RNF130: variants seen among roughly 807,000 people sequenced by gnomAD.
The protein encoded by RNF130 is ring finger protein 130, also known as E3 ubiquitin-protein ligase RNF130.
RNF130 carries 21 observed loss-of-function variants against 44.6 expected under a neutral mutation model. That is an observed-to-expected ratio of 0.47 (90% CI 0.33 to 0.68). The LOEUF (loss-of-function observed/expected upper bound fraction) is 0.68, where lower values mean the gene tolerates loss of function less well. Among genes scored for constraint, RNF130 ranks in the 30% least tolerant of loss-of-function variants. The pLI, the probability that RNF130 is intolerant of heterozygous loss-of-function variation, is 0.02. For missense variants in RNF130, 479 were observed against 560.6 expected (o/e 0.85, Z 1.47); for synonymous variants, 214 against 210.4 (o/e 1.02, Z -0.15).
exon 8 of RNF130, chr5:179,915,043 A>T (rs559090114): frequency 6.7e-6 from 1 of 149,782 alleles, no homozygotes; most frequent in East Asian, 2.0e-4. Context: ...AAATAAAATT[A>T]AAAAACAGGC....
intron 1 of RNF130, among the ~76,000 whole-genome samples, chr5:180,055,265 A>C (rs1209976538): frequency 1.4e-4 from 4 of 28,080 alleles, no homozygotes; most frequent in Non-Finnish European, 2.9e-4. Flanking sequence ...AAAAAAAAAA[A>C]AAAAAAAAAA....
At chr5:179,925,826 C>A (rs1582123021) in intron 7 of RNF130, among the ~76,000 whole-genome samples, 1 of 152,330 alleles carries the variant, frequency 6.6e-6, no homozygotes, top group South Asian at 2.1e-4. Flanking sequence ...AGTCACCACA[C>A]CTGGCTGGGT....
chr5:179,925,221 A>G (rs1250125458), intron 7 of RNF130, among the ~76,000 whole-genome samples: 2 of 152,196 alleles, frequency 1.3e-5, no homozygotes, highest in Admixed American at 6.5e-5. Flanking sequence ...TGGGACTTTC[A>G]GCCTCACCCC....
intron 3 of RNF130, among the ~76,000 whole-genome samples, chr5:179,998,851 A>C (rs1463355538): frequency 2.0e-5 from 2 of 100,576 alleles, no homozygotes; most frequent in African/African-American, 3.9e-5. Context: ...CTTTAGATCT[A>C]GTATTTTTTA....
chr5:179,968,118 A>G (rs1762491711), intron 6 of RNF130, among the ~76,000 whole-genome samples: 1 of 151,522 alleles, frequency 6.6e-6, no homozygotes, highest in East Asian at 2.0e-4. Flanking sequence ...ACACGGTGAA[A>G]CCCCGTCTCT....
chr5:180,020,292 G>A (rs1429040485), intron 2 of RNF130, among the ~76,000 whole-genome samples: 2 of 152,186 alleles, frequency 1.3e-5, no homozygotes, highest in Non-Finnish European at 2.9e-5. Context: ...GATGAACGGG[G>A]AGCAGTGACA....
intron 3 of RNF130, among the ~76,000 whole-genome samples, chr5:179,983,551 G>C (rs925092630): frequency 6.6e-6 from 1 of 152,142 alleles, no homozygotes; most frequent in Non-Finnish European, 1.5e-5. Flanking sequence ...CTTTGTAATA[G>C]ATCTGAAATT....
intron 6 of RNF130, among the ~76,000 whole-genome samples, chr5:179,970,087 C>T (rs186430167): frequency 1.3e-5 from 2 of 151,860 alleles, no homozygotes; most frequent in East Asian, 1.9e-4. Flanking sequence ...CCCAGGAGTT[C>T]GAGGTTACAG....
At chr5:179,967,108 A>T in intron 6 of RNF130, 98 bp from the exon 7 acceptor site, 3 of 1,080,804 alleles carry the variant, frequency 2.8e-6, no homozygotes, top group Non-Finnish European at 4.1e-6. Context: ...TGTTGCAAAG[A>T]CCTTACCAGG....
intron 7 of RNF130, among the ~76,000 whole-genome samples, chr5:179,922,249 G>A (rs73340210): frequency 6.7e-6 from 1 of 149,550 alleles, no homozygotes; most frequent in East Asian, 1.9e-4. Context: ...GTGTATCTTC[G>A]TTTGTGAAGT....
At position 180,013,095 on chromosome 5, in the gene RNF130, T is replaced by C. The variant is rs777502710; in HGVS notation, c.659A>G (p.Lys220Arg). The change falls in exon 3 of 9, where the codon AAG becomes AGG. Residue 220 changes from lysine (K) to arginine (R), a missense_variant. Coordinates refer to ENST00000521389, the MANE Select transcript of RNF130 (RefSeq NM_018434.6). ...GTCGCGTGCATTTGTGTACCTGATC[T>C]TCTGAATGAAGTAGAATATGAGCCA... ...SAWLIFYFIQKIRYTNARDRN... is the reference protein window; with the variant it reads ...SAWLIFYFIQRIRYTNARDRN... The C allele has an allele frequency of 6.2e-7, 1 of 1,614,014 alleles. No individual in the cohort carries two copies. Among genetic ancestry groups the C allele is most frequent in the Admixed American group, 1.7e-5 (1 of 60,018 alleles).
intron 7 of RNF130, among the ~76,000 whole-genome samples, chr5:179,936,419 G>T (rs1379028949): frequency 6.6e-6 from 1 of 152,062 alleles, no homozygotes; most frequent in Non-Finnish European, 1.5e-5. Context: ...TGTAGAGACG[G>T]GTTCTCATCA....
At chr5:180,055,367 T>G (rs940177776) in intron 1 of RNF130, among the ~76,000 whole-genome samples, 1 of 150,898 alleles carries the variant, frequency 6.6e-6, no homozygotes, top group Non-Finnish European at 1.5e-5. Flanking sequence ...CAGCTAGAAG[T>G]AAGTTAAGTT....
intron 2 of RNF130, among the ~76,000 whole-genome samples, chr5:180,036,407 C>G (rs1764250311): frequency 6.6e-6 from 1 of 152,218 alleles, no homozygotes; most frequent in Non-Finnish European, 1.5e-5. Flanking sequence ...ACACTGGACT[C>G]TGGTGTCATT....
intron 7 of RNF130, among the ~76,000 whole-genome samples, chr5:179,927,011 G>A (rs1273428027): frequency 6.6e-6 from 1 of 152,204 alleles, no homozygotes; most frequent in African/African-American, 2.4e-5. Context: ...CTTCTGTGTT[G>A]ACTGTTATGG....
At chr5:179,925,754 A>T (rs1489460353) in intron 7 of RNF130, among the ~76,000 whole-genome samples, 1 of 152,126 alleles carries the variant, frequency 6.6e-6, no homozygotes, top group Non-Finnish European at 1.5e-5. Context: ...GCTGGTTTCA[A>T]ATCCCTGGGC....
At chr5:180,045,818 T>C (rs1002414948) in intron 1 of RNF130, among the ~76,000 whole-genome samples, 23 of 152,226 alleles carry the variant, frequency 1.5e-4, no homozygotes, top group African/African-American at 5.5e-4. Flanking sequence ...CTGGTGCCTT[T>C]ACAAACCTTG....
intron 3 of RNF130, among the ~76,000 whole-genome samples, chr5:179,991,257 A>T (rs962804787): frequency 6.6e-6 from 1 of 152,186 alleles, no homozygotes; most frequent in Non-Finnish European, 1.5e-5. Flanking sequence ...CACTGACTTT[A>T]AGCAATCTGA....
intron 3 of RNF130, among the ~76,000 whole-genome samples, chr5:179,994,008 T>A (rs184818692): frequency 6.6e-6 from 1 of 152,342 alleles, no homozygotes; most frequent in Admixed American, 6.5e-5. Flanking sequence ...CTTGTTTTTG[T>A]CAGCTTTGTC....
Sources: allele counts gnomAD v4.1 joint callset (sites outside exome capture counted in the v4.1 genomes callset), GRCh38; gene constraint gnomAD v4.1.1; transcripts MANE v1.5; gene names NCBI Gene and HGNC (gene_info 2026-07-23, HGNC 2026-07-21).